Variants in NFYA observed in about 807,000 individuals in gnomAD.
NFYA encodes CAAT-box DNA binding protein subunit A.
In NFYA, 28 loss-of-function variants were observed where a neutral mutation model predicts 52.8. The observed-to-expected ratio is 0.53, with a 90% CI of 0.39 to 0.73. The LOEUF is 0.73. Among genes scored for constraint, NFYA ranks in the 30% least tolerant of loss-of-function variants. NFYA has a pLI of 0.00. For synonymous variants in NFYA, 150 were observed against 150.7 expected (o/e 1.00, Z 0.03); for missense variants, 234 against 427.0 (o/e 0.55, Z 3.98).
rs994841213 is a variant in NFYA at position 41,090,267 on chromosome 6, G to A, written c.505G>A (p.Val169Ile). 4.3e-6 allele frequency: 7 copies of A among 1,613,808 alleles called. No individual in the cohort carries two copies. Among genetic ancestry groups the A allele is most frequent in the East Asian group, 2.2e-5 (1 of 44,892 alleles). ...VAQTAEGQTI[V>I]YQPVNADGTI... Reference sequence around the variant, plus strand: ...ACAGACTGCTGAAGGGCAGACCATCGTCTATCAACCAGTTAATGCAGATGG... The same window carrying A: ...ACAGACTGCTGAAGGGCAGACCATCATCTATCAACCAGTTAATGCAGATGG... Residue 169 changes from valine (V) to isoleucine (I), a missense_variant, in exon 6 of 10, where the codon GTC becomes ATC. Physicochemically the swap from Val to Ile is conservative, Grantham distance 29. Transcript: ENST00000341376.
rs1764199340 is a variant in NFYA, at chr6:41,091,685, G to A, written c.705G>A (p.Gly235=). The A allele has an allele frequency of 6.2e-7, 1 of 1,610,446 alleles. No individual in the cohort carries two copies. The highest frequency in any genetic ancestry group is 1.7e-5 in the Admixed American group (1 of 58,992). Residue 235 remains glycine (G), a synonymous_variant, in exon 7 of 10, where the codon GGG becomes GGA. Transcript: ENST00000341376. ...PVAGNVVNSG[G]MVMMVPGAGS... is the part of the protein sequence containing the mutation. Reference sequence around the variant, plus strand: ...CAGGCAATGTGGTCAATTCAGGAGGGATGGTCATGGTAAGAAAATGTATTT... The same window carrying A: ...CAGGCAATGTGGTCAATTCAGGAGGAATGGTCATGGTAAGAAAATGTATTT...
intron 3 of NFYA, among the ~76,000 whole-genome samples, chr6:41,083,358 G>T (rs1763958669): frequency 6.6e-6 from 1 of 152,192 alleles, no homozygotes; most frequent in Non-Finnish European, 1.5e-5. Flanking sequence ...ATATTATAGA[G>T]GCCAGTGAGG....
At chr6:41,090,176 G>A (rs776578761) in intron 5 of NFYA, 28 bp from the exon 6 acceptor site, 3 of 1,432,116 alleles carry the variant, frequency 2.1e-6, no homozygotes, top group East Asian at 4.6e-5. Context: ...GGGATCTGTT[G>A]AATTGTGTCA....
intron 9 of NFYA, among the ~76,000 whole-genome samples, chr6:41,095,981 T>G (rs1582039075): frequency 6.6e-6 from 1 of 152,222 alleles, no homozygotes; most frequent in Non-Finnish European, 1.5e-5. Context: ...GATACTCCAT[T>G]CTATATTAAC....
At chr6:41,079,212 C>T in intron 2 of NFYA, 48 bp downstream of exon 2, 2 of 1,542,484 alleles carry the variant, frequency 1.3e-6, no homozygotes, top group Non-Finnish European at 1.8e-6. Flanking sequence ...AAACTGATAA[C>T]AGCACCACTC....
At chr6:41,086,357 T>C (rs570943831) in intron 4 of NFYA, among the ~76,000 whole-genome samples, 2 of 152,344 alleles carry the variant, frequency 1.3e-5, no homozygotes, top group South Asian at 4.1e-4. Flanking sequence ...TATGGGGTTT[T>C]ATTTTGCTAT....
At chr6:41,089,946 C>T (rs573978912) in intron 5 of NFYA, among the ~76,000 whole-genome samples, 2 of 151,922 alleles carry the variant, frequency 1.3e-5, no homozygotes, top group Non-Finnish European at 2.9e-5. Flanking sequence ...GGTGAAGCCC[C>T]GTCAAAATAC....
chr6:41,080,759 C>T (rs777006663), intron 2 of NFYA, 52 bp from the exon 3 acceptor site: 2 of 1,467,686 alleles, frequency 1.4e-6, no homozygotes, highest in Non-Finnish European at 1.9e-6. Flanking sequence ...GTGTCTTGAA[C>T]TACACATTTC....
At chr6:41,094,333 A>G in intron 8 of NFYA, 63 bp from the exon 9 acceptor site, 1 of 1,367,388 alleles carries the variant, frequency 7.3e-7, no homozygotes, top group Non-Finnish European at 1.0e-6. Flanking sequence ...GAATTTGTGC[A>G]CTAGATAACT....
Position 41,100,006 on chromosome 6 carries a change from C to G in NFYA, c.*2596C>G, listed in dbSNP as rs889100869. The G allele has an allele frequency of 6.6e-6, 1 of 152,088 alleles. No individual in the cohort carries two copies. Among genetic ancestry groups the G allele is most frequent in the African/African-American group, 2.4e-5 (1 of 41,388 alleles). The allele number at this position is 152,088 out of a possible 1,614,324, so 9.4% of individuals were successfully genotyped here. On this transcript the variant is annotated 3_prime_UTR_variant, in exon 10 of 10. Transcript: ENST00000341376. Reference sequence around the variant, plus strand: ...TGTGACTTTTGAGGAATCTGCAACTCCTGGGTTCTAGTTTGTGTTTCCAGT... The same window carrying G: ...TGTGACTTTTGAGGAATCTGCAACTGCTGGGTTCTAGTTTGTGTTTCCAGT...
intron 3 of NFYA, among the ~76,000 whole-genome samples, chr6:41,082,896 TC>T (rs993544021): frequency 2.0e-5 from 3 of 152,174 alleles, no homozygotes; most frequent in African/African-American, 7.2e-5. Flanking sequence ...ATTTCAATGT[TC>T]CTGGTGATTC....
chr6:41,090,239 G>A lies in NFYA; in HGVS notation c.477G>A (p.Val159=), dbSNP rs751202159. The change falls in exon 6 of 10, where the codon GTG becomes GTA. Residue 159 remains valine, a synonymous_variant. Coordinates refer to ENST00000341376, the MANE Select transcript of NFYA (RefSeq NM_002505.5). The stretch of plus-strand genomic sequence containing the variant: ...AGATTGCTGTCCAGGGACAGCAAGT[G>A]GCACAGACTGCTGAAGGGCAGACCA... ...QQQIAVQGQQ[V]AQTAEGQTIV... 1 of 1,613,896 alleles carries A rather than the reference G, an allele frequency of 6.2e-7. No homozygotes were observed.
rs538405492 is a variant in NFYA, at chr6:41,081,954, G to A, written c.162+1057G>A. On this transcript the variant is annotated intron_variant, in intron 3 of 9. Transcript: ENST00000341376. ...ATTTGGCCAGTTCCTATAAAACACA[G>A]GAGTAGCAGCACTAGTCTACTCTGT... is the stretch of plus-strand genomic sequence containing the variant. Among the ~76,000 whole-genome samples the A allele has an allele frequency of 5.9e-5, 9 of 152,324 alleles. No individual in the cohort carries two copies. In the South Asian group the frequency reaches 1.4e-3, roughly 25 times the overall value.
intron 5 of NFYA, 37 bp downstream of exon 5, chr6:41,089,747 G>A: frequency 6.3e-7 from 1 of 1,599,314 alleles, no homozygotes; most frequent in Non-Finnish European, 8.5e-7. Context: ...GAGCAAAACT[G>A]ATTTGGAAGA....
intron 9 of NFYA, 57 bp from the exon 10 acceptor site, chr6:41,097,300 A>C: frequency 6.6e-7 from 1 of 1,525,360 alleles, no homozygotes; most frequent in South Asian, 1.1e-5. Flanking sequence ...AGTGAGAGCC[A>C]TGAGTTCCTG....
chr6:41,082,404 T>C (rs1250297229), intron 3 of NFYA, among the ~76,000 whole-genome samples: 5 of 152,254 alleles, frequency 3.3e-5, no homozygotes, highest in Admixed American at 2.6e-4. Flanking sequence ...TGTAACATGC[T>C]CTTAACTGTA....
At chr6:41,087,465 A>T (rs190847022) in intron 4 of NFYA, among the ~76,000 whole-genome samples, 127 of 152,318 alleles carry the variant, frequency 8.3e-4, no homozygotes, top group African/African-American at 2.8e-3. Flanking sequence ...AGTTGAAATT[A>T]TGGATGGAAA....
chr6:41,090,353 T>G, intron 6 of NFYA, 44 bp downstream of exon 6: 1 of 1,289,680 alleles, frequency 7.8e-7, no homozygotes, highest in South Asian at 1.2e-5. Flanking sequence ...TGGGGCAACT[T>G]TTTTGTCCCT....
At chr6:41,089,166 TAG>T (rs1764130298) in intron 4 of NFYA, among the ~76,000 whole-genome samples, 2 of 152,042 alleles carry the variant, frequency 1.3e-5, no homozygotes, top group Admixed American at 1.3e-4. Flanking sequence ...GTATTTTTAG[TAG>T]AGACAGGGTT....
Sources: allele counts gnomAD v4.1 joint callset (sites outside exome capture counted in the v4.1 genomes callset), GRCh38; gene constraint gnomAD v4.1.1; transcripts MANE v1.5; gene names NCBI Gene and HGNC (gene_info 2026-07-23, HGNC 2026-07-21).